GTSE1: variants seen among roughly 807,000 people sequenced by gnomAD.
GTSE1 encodes G2 and S-phase expressed 1, also known as G2 and S phase-expressed protein 1.
GTSE1 carries 52 observed loss-of-function variants against 60.5 expected under a neutral mutation model. The ratio of observed to expected loss-of-function variants is 0.86; its 90% CI spans 0.69 to 1.08. GTSE1 has a LOEUF of 1.08. Among genes scored for constraint, GTSE1 ranks in the 50% least tolerant of loss-of-function variants. GTSE1 has a pLI of 0.00. For missense variants in GTSE1, 937 were observed against 961.8 expected (o/e 0.97, Z 0.34); for synonymous variants, 368 against 386.5 (o/e 0.95, Z 0.56).
At position 46,297,598 on chromosome 22, in the gene GTSE1, G is replaced by A; in HGVS notation, c.79+119G>A. 1.4e-6 allele frequency: 1 copy of A among 698,810 alleles called. No individual in the cohort carries two copies. Among genetic ancestry groups the A allele is most frequent in the Middle Eastern group, 2.5e-4 (1 of 3,974 alleles). 43.3% of individuals were successfully genotyped at this position (698,810 alleles called of 1,614,324 possible). The stretch of plus-strand genomic sequence containing the variant: ...TGCTCGACTTGTACTCTGCACCTGT[G>A]AAACACATGACATCTGCCTTCGTTT... On this transcript the variant is annotated intron_variant, in intron 2 of 11. Transcript: ENST00000454366. This position sits in a 1 kb window ranked among gnomAD's most constrained non-coding sequence, Gnocchi z 4.9.
In GTSE1 at chr22:46,312,988, C is replaced by T. The variant is rs933917562; in HGVS notation, c.927+683C>T. 7.3e-5 allele frequency among the ~76,000 whole-genome samples: 11 copies of T among 151,618 alleles called. No individual in the cohort carries two copies. The South Asian group carries it at 1.7e-3, about 23-fold the overall frequency. ...GACCAGCCTGGGCAACATAGTGAGG[C>T]CCCCATCTCCATTAAAAAATAAAAA... On this transcript the variant is annotated intron_variant, in intron 5 of 11. Transcript: ENST00000454366.
At chr22:46,328,509 G>A (rs538899031) in intron 9 of GTSE1, among the ~76,000 whole-genome samples, 179 bp from the exon 10 acceptor site, 1 of 152,300 alleles carries the variant, frequency 6.6e-6, no homozygotes, top group Admixed American at 6.5e-5. Context: ...GAGAGGAACT[G>A]GAGAGATCAC....
intron 2 of GTSE1, among the ~76,000 whole-genome samples, chr22:46,298,664 A>G (rs545138755): frequency 6.6e-6 from 1 of 152,222 alleles, no homozygotes; most frequent in South Asian, 2.1e-4. Flanking sequence ...TTTACAAATC[A>G]ATGTTGCATC....
intron 4 of GTSE1, among the ~76,000 whole-genome samples, chr22:46,311,170 C>T (rs1193965773): frequency 3.3e-5 from 5 of 151,898 alleles, no homozygotes; most frequent in East Asian, 1.9e-4. Context: ...CTCTGCCTCT[C>T]GGGTTCAAGC....
intron 4 of GTSE1, among the ~76,000 whole-genome samples, chr22:46,311,803 A>G (rs950948921): frequency 1.3e-5 from 2 of 152,210 alleles, no homozygotes; most frequent in African/African-American, 4.8e-5. Flanking sequence ...AGCATTTTAA[A>G]ATTTGTGTAA....
intron 2 of GTSE1, among the ~76,000 whole-genome samples, chr22:46,305,079 C>T (rs1202347358): frequency 2.6e-5 from 4 of 152,086 alleles, no homozygotes; most frequent in African/African-American, 7.2e-5. Context: ...TTACTTGCCT[C>T]GTGGAAGTAA....
chr22:46,322,055 CAG>C (rs1463535720), intron 7 of GTSE1, among the ~76,000 whole-genome samples: 1 of 117,080 alleles, frequency 8.5e-6, no homozygotes, highest in African/African-American at 3.4e-5. Context: ...GCCTGGGCGA[CAG>C]AGAGAGACTC....
intron 10 of GTSE1, 55 bp downstream of exon 10, chr22:46,328,944 C>A: frequency 7.1e-7 from 1 of 1,407,850 alleles, no homozygotes; most frequent in Non-Finnish European, 1.0e-6. Flanking sequence ...GGAGGCTGCT[C>A]GGGAAGCCCG....
chr22:46,323,767 A>C (rs1316940105), intron 8 of GTSE1, among the ~76,000 whole-genome samples: 2 of 152,018 alleles, frequency 1.3e-5, no homozygotes, highest in Non-Finnish European at 2.9e-5. Context: ...GGCTCACTGC[A>C]AACTCCACCT....
In GTSE1 at chr22:46,309,094, A is replaced by G. The variant is rs2077734352; in HGVS notation, c.762+151A>G. On this transcript the variant is annotated intron_variant, in intron 4 of 11. Coordinates refer to ENST00000454366, the MANE Select transcript of GTSE1 (RefSeq NM_016426.7). The surrounding 1 kb of genome is among the most constrained non-coding windows in gnomAD (Gnocchi z 6.2). ...GCGGAGTCCAGGAAAAGCAGTTGCCAATAGGGAGCTGATGTGGGGGTGGCT... is the reference window on the plus strand; with the variant it reads ...GCGGAGTCCAGGAAAAGCAGTTGCCGATAGGGAGCTGATGTGGGGGTGGCT... 1.2e-6 allele frequency: 1 copy of G among 847,662 alleles called. No homozygotes were observed. Among genetic ancestry groups the G allele is most frequent in the Non-Finnish European group, 1.8e-6 (1 of 563,822 alleles). The allele number at this position is 847,662 out of a possible 1,614,324, so 52.5% of individuals were successfully genotyped here.
chr22:46,330,001 C>A lies in GTSE1; in HGVS notation c.2137-46C>A. Reference sequence around the variant, plus strand: ...CTCTGTGCAGGGAGGGGAAGGGAGGCCCTAGCCGGATCCACGCTCACCTCC... The same window carrying A: ...CTCTGTGCAGGGAGGGGAAGGGAGGACCTAGCCGGATCCACGCTCACCTCC... On this transcript the variant is annotated intron_variant, in intron 11 of 11. Transcript: ENST00000454366. The surrounding 1 kb of genome is among the most constrained non-coding windows in gnomAD (Gnocchi z 6.0). The A allele has an allele frequency of 1.8e-6, 2 of 1,141,730 alleles. No individual in the cohort carries two copies. The highest frequency in any genetic ancestry group is 2.7e-6 in the Non-Finnish European group (2 of 749,192). The allele number at this position is 1,141,730 out of a possible 1,614,324, so 70.7% of individuals were successfully genotyped here. A position where few individuals can be genotyped will look rare whatever the true frequency, so the allele number is the denominator to read the frequency against.
intron 2 of GTSE1, among the ~76,000 whole-genome samples, chr22:46,306,472 C>T (rs2077716006): frequency 6.8e-6 from 1 of 146,504 alleles, no homozygotes; most frequent in Non-Finnish European, 1.5e-5. Flanking sequence ...TGAGCCATTG[C>T]GCCCAGCCTG....
rs548394914 is a variant in GTSE1 at position 46,330,134 on chromosome 22, G to A, written c.*4G>A. ...TTCCCCACTCCTCAAGTTCTAAGCC[G>A]AACCAAATCCTTTGCCTTGAAAGAA... is the stretch of plus-strand genomic sequence containing the variant. On this transcript the variant is annotated 3_prime_UTR_variant, in exon 12 of 12. Coordinates refer to ENST00000454366, the MANE Select transcript of GTSE1 (RefSeq NM_016426.7). This position sits in a 1 kb window ranked among gnomAD's most constrained non-coding sequence, Gnocchi z 6.0. 25 of 1,568,644 alleles carry A rather than the reference G, an allele frequency of 1.6e-5. No individual in the cohort carries two copies. The highest frequency in any genetic ancestry group is 1.7e-4 in the Middle Eastern group (1 of 5,968).
In GTSE1 at chr22:46,321,252, C is replaced by T. The variant is rs967734837; in HGVS notation, c.1433-1938C>T. ...CAGTGAGACCCCGATTCTACAAAAA[C>T]ATTTAGCTGGGCATGGTGCTGGGCA... On this transcript the variant is annotated intron_variant, in intron 7 of 11. Coordinates refer to ENST00000454366, the MANE Select transcript of GTSE1 (RefSeq NM_016426.7). This position sits in a 1 kb window ranked among gnomAD's most constrained non-coding sequence, Gnocchi z 4.0. Among the ~76,000 whole-genome samples, 1 of 152,094 alleles carries T rather than the reference C, an allele frequency of 6.6e-6. No homozygotes were observed. Among genetic ancestry groups the T allele is most frequent in the African/African-American group, 2.4e-5 (1 of 41,420 alleles).
In GTSE1 at chr22:46,308,216, A is replaced by G. The variant is rs1174468569; in HGVS notation, c.137+9A>G. On this transcript the variant is annotated intron_variant, in intron 3 of 11. Coordinates refer to ENST00000454366, the MANE Select transcript of GTSE1 (RefSeq NM_016426.7). ...TCATTGTCTTCTTCGAGGTAAACAA[A>G]TGAGTTTTCTTCCCTTGCCTTGGGC... is the stretch of plus-strand genomic sequence containing the variant. 1 of 1,612,576 alleles carries G rather than the reference A, an allele frequency of 6.2e-7. No individual in the cohort carries two copies. The highest frequency in any genetic ancestry group is 1.7e-5 in the Admixed American group (1 of 60,008).
chr22:46,323,348 GC>G (rs1285796401), intron 8 of GTSE1, 86 bp downstream of exon 8: 36 of 1,041,698 alleles, frequency 3.5e-5, no homozygotes, highest in Non-Finnish European at 4.9e-5. Context: ...TAACCCTGCA[GC>G]CTGGCCTGCG....
At position 46,329,333 on chromosome 22, in the gene GTSE1, C is replaced by T. The variant is rs745802130; in HGVS notation, c.1927-25C>T. The T allele has an allele frequency of 1.3e-6, 2 of 1,561,928 alleles. No homozygotes were observed. Among genetic ancestry groups the T allele is most frequent in the Non-Finnish European group, 1.8e-6 (2 of 1,133,034 alleles). ...GTTGCCAGAAAGATGCTGGACTCTG[C>T]TCTTAACCTTGGTTTTGTACCCAGG... On this transcript the variant is annotated intron_variant, in intron 10 of 11. Transcript: ENST00000454366. This position sits in a 1 kb window ranked among gnomAD's most constrained non-coding sequence, Gnocchi z 6.4.
Position 46,304,908 on chromosome 22 carries a change from G to A in GTSE1, c.80-3242G>A, listed in dbSNP as rs956775070. ...ACAGGAGGATCCCTCGAGTCCAGGA[G>A]TTCGAGGCTGCAGTGAGCTATGATT... On this transcript the variant is annotated intron_variant, in intron 2 of 11. Coordinates refer to ENST00000454366, the MANE Select transcript of GTSE1 (RefSeq NM_016426.7). This position sits in a 1 kb window ranked among gnomAD's most constrained non-coding sequence, Gnocchi z 4.4. Among the ~76,000 whole-genome samples the A allele has an allele frequency of 6.6e-6, 1 of 152,176 alleles. No homozygotes were observed. The highest frequency in any genetic ancestry group is 2.4e-5 in the African/African-American group (1 of 41,432).
intron 8 of GTSE1, 91 bp downstream of exon 8, chr22:46,323,353 G>A: frequency 1.0e-6 from 1 of 1,001,108 alleles, no homozygotes; most frequent in South Asian, 1.3e-5. Flanking sequence ...CTGCAGCCTG[G>A]CCTGCGCATC....
Sources: allele counts gnomAD v4.1 joint callset (sites outside exome capture counted in the v4.1 genomes callset), GRCh38; gene constraint gnomAD v4.1.1; non-coding constraint Gnocchi (gnomAD v3.1); transcripts MANE v1.5; gene names NCBI Gene and HGNC (gene_info 2026-07-23, HGNC 2026-07-21).